Variants in TG observed in about 807,000 individuals in gnomAD.
TG encodes the protein thyroid hormones.
TG carries 270 observed loss-of-function variants against 324.7 expected under a neutral mutation model. The ratio of observed to expected loss-of-function variants is 0.83; its 90% CI spans 0.75 to 0.92. The LOEUF is 0.92. Among genes scored for constraint, TG ranks in the 40% least tolerant of loss-of-function variants. The probability of loss-of-function intolerance (pLI) is 0.00; values close to 1 mark genes in which losing one functional copy is unlikely to be tolerated. For synonymous variants in TG, 1,401 were observed against 1,327.0 expected, an observed-to-expected ratio of 1.06 and a Z score of -1.21; for missense variants, 3,591 against 3,456.4, an observed-to-expected ratio of 1.04 and a Z score of -0.98.
intron 41 of TG, chr8:133,060,478 T>C (rs752267631): frequency 6.2e-6 from 6 of 973,334 alleles, no homozygotes; most frequent in Non-Finnish European, 8.8e-6. Flanking sequence ...TTGCTGAGGA[T>C]GGTAAGCAGC....
intron 29 of TG, among the ~76,000 whole-genome samples, chr8:132,963,925 C>T (rs1255218426): frequency 6.6e-6 from 1 of 152,022 alleles, no homozygotes; most frequent in Non-Finnish European, 1.5e-5. Context: ...AATTTGCTTC[C>T]CTGCTAAGAT....
At chr8:133,042,197 TA>T (rs978738635) in intron 41 of TG, among the ~76,000 whole-genome samples, 1 of 152,166 alleles carries the variant, frequency 6.6e-6, no homozygotes, top group African/African-American at 2.4e-5. Flanking sequence ...TGACTCATTC[TA>T]AAAGCAACTC....
In TG at chr8:132,871,390, G is replaced by T; in HGVS notation, c.317G>T (p.Ser106Ile). The T allele has an allele frequency of 6.2e-7, 1 of 1,614,226 alleles. No homozygotes were observed. Among genetic ancestry groups the T allele is most frequent in the Non-Finnish European group, 8.5e-7 (1 of 1,180,042 alleles). Residue 106 changes from serine to isoleucine, a missense_variant, in exon 4 of 48, where the codon AGT becomes ATT. Coordinates refer to ENST00000220616, the MANE Select transcript of TG (RefSeq NM_003235.5). ...CTACAGAAACAGCAGATCTTACTGAGTGGCTACATTAACAGCACAGACACC... is the reference window on the plus strand; with the variant it reads ...CTACAGAAACAGCAGATCTTACTGATTGGCTACATTAACAGCACAGACACC... ...CQLQKQQILLSGYINSTDTSY... is the reference protein window; with the variant it reads ...CQLQKQQILLIGYINSTDTSY...
intron 18 of TG, 24 bp downstream of exon 18, chr8:132,908,364 G>A: frequency 6.6e-7 from 1 of 1,516,970 alleles, no homozygotes; most frequent in Non-Finnish European, 8.9e-7. Flanking sequence ...CTTCCCCACA[G>A]TGAGGGCTTG....
chr8:132,997,205 C>T (rs1832965841), intron 35 of TG, among the ~76,000 whole-genome samples: 1 of 152,148 alleles, frequency 6.6e-6, no homozygotes, highest in South Asian at 2.1e-4. Context: ...AGTTGGGCAG[C>T]CCCATGGCTG....
chr8:133,054,377 G>T (rs534907444), intron 41 of TG, among the ~76,000 whole-genome samples: 2 of 152,156 alleles, frequency 1.3e-5, no homozygotes, highest in African/African-American at 2.4e-5. Flanking sequence ...AAACCAATCA[G>T]AACTGGCTTA....
intron 41 of TG, among the ~76,000 whole-genome samples, chr8:133,093,423 T>G (rs1211295180): frequency 3.3e-5 from 5 of 152,160 alleles, no homozygotes; most frequent in Non-Finnish European, 7.3e-5. Flanking sequence ...CCAGGAGCCT[T>G]GCTTTGTTTT....
In TG at chr8:133,096,275, C is replaced by G. The variant is rs888904025; in HGVS notation, c.7474C>G (p.Pro2492Ala). The G allele has an allele frequency of 1.2e-6, 2 of 1,614,228 alleles. No homozygotes were observed. The highest frequency in any genetic ancestry group is 8.5e-7 in the Non-Finnish European group (1 of 1,180,038). ...VIDGHFLREP[P>A]ARALKRSLWV... ...CGATGGCCACTTCCTCCGTGAGCCT[C>G]CAGCCAGAGCACTGAAGAGGTCTTT... Residue 2492 changes from proline to alanine, a missense_variant, in exon 43 of 48, where the codon CCA (proline) becomes GCA (alanine). Physicochemically the swap from Pro to Ala is conservative, Grantham distance 27. Transcript: ENST00000220616.
intron 41 of TG, among the ~76,000 whole-genome samples, chr8:133,067,462 C>T (rs1167314222): frequency 6.6e-6 from 1 of 152,156 alleles, no homozygotes; most frequent in Admixed American, 6.5e-5. Flanking sequence ...CAGAGGCCCT[C>T]AGAAACCCCT....
intron 35 of TG, among the ~76,000 whole-genome samples, chr8:132,991,348 G>C (rs1239277889): frequency 6.6e-6 from 1 of 152,108 alleles, no homozygotes; most frequent in East Asian, 1.9e-4. Context: ...CAGGCACACT[G>C]TTTTCTTACT....
chr8:133,007,417 A>G (rs1834116586), intron 35 of TG, among the ~76,000 whole-genome samples: 1 of 152,032 alleles, frequency 6.6e-6, no homozygotes, highest in South Asian at 2.1e-4. Flanking sequence ...TGCCCGTTAA[A>G]GTCTTTAATT....
intron 40 of TG, among the ~76,000 whole-genome samples, chr8:133,025,241 G>T (rs1030217375): frequency 6.6e-6 from 1 of 152,178 alleles, no homozygotes; most frequent in East Asian, 1.9e-4. Context: ...GCTATCTCCC[G>T]CCTGCCTCAG....
intron 35 of TG, among the ~76,000 whole-genome samples, chr8:132,988,098 A>ACACG (rs1396107553): frequency 2.0e-5 from 3 of 151,590 alleles, no homozygotes; most frequent in African/African-American, 7.3e-5. Context: ...ACACACACAC[A>ACACG]CACACGAAAT....
At chr8:132,987,721 G>GGT (rs71276508) in intron 35 of TG, among the ~76,000 whole-genome samples, 80,827 of 149,738 alleles carry the variant, frequency 0.54, 22,452 homozygotes, top group Middle Eastern at 0.66. Flanking sequence ...GTGTGTGTGT[G>GGT]GTGTGTGTGT....
intron 41 of TG, among the ~76,000 whole-genome samples, chr8:133,045,929 T>A (rs1401559703): frequency 1.3e-5 from 2 of 152,160 alleles, no homozygotes; most frequent in African/African-American, 4.8e-5. Flanking sequence ...TGCCCCCTTT[T>A]CCTTTGTCTA....
chr8:132,889,321 T>A (rs1815889211), intron 10 of TG, among the ~76,000 whole-genome samples: 1 of 152,236 alleles, frequency 6.6e-6, no homozygotes, highest in African/African-American at 2.4e-5. Flanking sequence ...ATGACAGCTG[T>A]TCAGTAAAAT....
chr8:132,899,783 G>A (rs1185960668), intron 14 of TG, among the ~76,000 whole-genome samples: 1 of 152,208 alleles, frequency 6.6e-6, no homozygotes, highest in Non-Finnish European at 1.5e-5. Context: ...ATTACAGAGT[G>A]GAGCTTAGAG....
chr8:132,925,972 C>T (rs1821811495), intron 22 of TG, among the ~76,000 whole-genome samples: 2 of 152,338 alleles, frequency 1.3e-5, no homozygotes, highest in South Asian at 4.1e-4. Flanking sequence ...TGAATAGCCT[C>T]CAGATAGAGC....
chr8:133,053,507 C>T (rs79595449), intron 41 of TG, among the ~76,000 whole-genome samples: 3,752 of 152,220 alleles, frequency 0.025, 157 homozygotes, highest in African/African-American at 0.082. Context: ...TGGGAGGCAG[C>T]TGGGTAGGTG....
Sources: gnomAD v4.1 joint callset for allele counts (sites outside exome capture counted in the v4.1 genomes callset) on GRCh38, gnomAD v4.1.1 for gene constraint, MANE v1.5 for transcripts, NCBI Gene and HGNC (gene_info 2026-07-23, HGNC 2026-07-21) for gene names.